Variants in NKAIN2 observed in about 807,000 individuals in gnomAD.
NKAIN2 encodes sodium/potassium transporting ATPase interacting 2, also known as sodium/potassium-transporting ATPase subunit beta-1-interacting protein 2.
In NKAIN2, 14 loss-of-function variants were observed where a neutral mutation model predicts 32.6. The ratio of observed to expected loss-of-function variants is 0.43; its 90% confidence interval spans 0.28 to 0.67. The LOEUF is 0.67. Among genes scored for constraint, NKAIN2 ranks in the 30% least tolerant of loss-of-function variants. The probability of loss-of-function intolerance (pLI) is 0.17; values close to 1 mark genes in which losing one functional copy is unlikely to be tolerated. For synonymous variants in NKAIN2, 80 were observed against 87.2 expected (o/e 0.92, Z 0.46); for missense variants, 198 against 258.3 (o/e 0.77, Z 1.60).
chr6:123,886,789 C>A (rs1212782837), intron 1 of NKAIN2, among the ~76,000 whole-genome samples: 1 of 152,094 alleles, frequency 6.6e-6, no homozygotes, highest in Non-Finnish European at 1.5e-5. Context: ...GTTGCCCCAA[C>A]TACAATTATT....
intron 1 of NKAIN2, among the ~76,000 whole-genome samples, chr6:123,819,932 G>A (rs1773856110): frequency 6.6e-6 from 1 of 152,158 alleles, no homozygotes. Context: ...AACGAAAAGA[G>A]CAGTTTGATA....
chr6:123,949,450 A>T (rs1012644401), intron 1 of NKAIN2, among the ~76,000 whole-genome samples: 2 of 151,956 alleles, frequency 1.3e-5, no homozygotes, highest in Non-Finnish European at 2.9e-5. Flanking sequence ...ATGGCTTTCC[A>T]TTTGTTCCTG....
chr6:124,343,899 C>T (rs1232452292), intron 2 of NKAIN2, among the ~76,000 whole-genome samples: 2 of 135,084 alleles, frequency 1.5e-5, no homozygotes, highest in South Asian at 5.5e-4. Context: ...GACATGAAGT[C>T]GTTGCACATG....
intron 1 of NKAIN2, among the ~76,000 whole-genome samples, chr6:124,232,752 G>GA (rs35001895): frequency 8.0e-5 from 12 of 150,842 alleles, no homozygotes; most frequent in South Asian, 2.1e-4. Flanking sequence ...TATTTTTGAG[G>GA]AAAAAAAAAA....
chr6:123,822,465 TTTCC>T (rs1224379829), intron 1 of NKAIN2, among the ~76,000 whole-genome samples: 1 of 152,184 alleles, frequency 6.6e-6, no homozygotes, highest in Admixed American at 6.5e-5. Flanking sequence ...AATAAGGAGT[TTTCC>T]ATGTGGTTAG....
At chr6:124,090,177 T>C (rs1784355316) in intron 1 of NKAIN2, among the ~76,000 whole-genome samples, 1 of 151,966 alleles carries the variant, frequency 6.6e-6, no homozygotes, top group Non-Finnish European at 1.5e-5. Context: ...TTTAGAAGAG[T>C]GTTTTAGTAA....
At chr6:124,394,966 T>G (rs746712668) in intron 3 of NKAIN2, among the ~76,000 whole-genome samples, 9 of 151,620 alleles carry the variant, frequency 5.9e-5, no homozygotes, top group Non-Finnish European at 1.2e-4. Context: ...GGAAAAAGAG[T>G]GATAATATGG....
intron 3 of NKAIN2, among the ~76,000 whole-genome samples, chr6:124,410,815 T>A (rs556481628): frequency 6.6e-6 from 1 of 152,296 alleles, no homozygotes; most frequent in South Asian, 2.1e-4. Context: ...CCATTATTAT[T>A]GTGTGGGAGT....
intron 3 of NKAIN2, among the ~76,000 whole-genome samples, chr6:124,436,799 A>C (rs1775466248): frequency 6.6e-6 from 1 of 152,266 alleles, no homozygotes; most frequent in Non-Finnish European, 1.5e-5. Flanking sequence ...GTTCTTTGAA[A>C]GTTTAAGCCA....
At chr6:124,062,598 T>G (rs1782966789) in intron 1 of NKAIN2, among the ~76,000 whole-genome samples, 1 of 152,082 alleles carries the variant, frequency 6.6e-6, no homozygotes, top group Non-Finnish European at 1.5e-5. Flanking sequence ...CTGACTAATC[T>G]TTGTATTTTT....
chr6:123,808,108 G>T (rs1582563290), intron 1 of NKAIN2, among the ~76,000 whole-genome samples: 1 of 152,050 alleles, frequency 6.6e-6, no homozygotes, highest in African/African-American at 2.4e-5. Context: ...ATAATCATGT[G>T]CTATTTTATT....
chr6:124,364,221 A>G (rs1179718284), intron 3 of NKAIN2, among the ~76,000 whole-genome samples: 1 of 132,916 alleles, frequency 7.5e-6, no homozygotes, highest in Non-Finnish European at 1.6e-5. Context: ...AAAGCACAGG[A>G]AAGGGTTAAA....
intron 1 of NKAIN2, among the ~76,000 whole-genome samples, chr6:124,135,436 T>C (rs1418580651): frequency 6.7e-6 from 1 of 148,750 alleles, no homozygotes; most frequent in East Asian, 2.0e-4. Context: ...GAAAAAGATA[T>C]TCCACGCAAA....
At chr6:124,375,774 G>A (rs1417967086) in intron 3 of NKAIN2, among the ~76,000 whole-genome samples, 2 of 151,986 alleles carry the variant, frequency 1.3e-5, no homozygotes, top group Non-Finnish European at 2.9e-5. Context: ...CAGAAAGAAG[G>A]GGGAGGAAGA....
intron 3 of NKAIN2, among the ~76,000 whole-genome samples, chr6:124,552,995 T>C (rs529027690): frequency 2.1e-3 from 315 of 152,366 alleles, no homozygotes; most frequent in Non-Finnish European, 2.9e-3. Context: ...CAATTTTTCC[T>C]GTTTCTTGAT....
intron 3 of NKAIN2, among the ~76,000 whole-genome samples, chr6:124,493,717 CAAAAAAA>C (rs71021496): frequency 3.5e-5 from 3 of 85,828 alleles, no homozygotes; most frequent in African/African-American, 1.6e-4. Flanking sequence ...CCCCCCCCTC[CAAAAAAA>C]AAAAAAAAAA....
At chr6:124,324,658 G>A (rs1367811300) in intron 2 of NKAIN2, among the ~76,000 whole-genome samples, 1 of 151,970 alleles carries the variant, frequency 6.6e-6, no homozygotes, top group Non-Finnish European at 1.5e-5. Flanking sequence ...GTCTTATGGG[G>A]AAAGCATTCA....
At chr6:124,376,922 C>T (rs530592364) in intron 3 of NKAIN2, among the ~76,000 whole-genome samples, 6 of 152,204 alleles carry the variant, frequency 3.9e-5, no homozygotes, top group Admixed American at 1.3e-4. Flanking sequence ...ACCATACTCC[C>T]TACAAATCAG....
chr6:124,457,906 C>G (rs1776384034), intron 3 of NKAIN2, among the ~76,000 whole-genome samples: 1 of 151,892 alleles, frequency 6.6e-6, no homozygotes, highest in African/African-American at 2.4e-5. Flanking sequence ...ATAGAATCAA[C>G]TACTCAGTAA....
Sources: allele counts gnomAD v4.1 joint callset (sites outside exome capture counted in the v4.1 genomes callset), GRCh38; gene constraint gnomAD v4.1.1; transcripts MANE v1.5; gene names NCBI Gene and HGNC (gene_info 2026-07-23, HGNC 2026-07-21).